The following HOXA3 variants were observed in gnomAD, a reference collection of about 807,000 sequenced individuals.
HOXA3 encodes the protein homeobox protein Hox-A3.
HOXA3 carries 8 observed loss-of-function variants against 30.3 expected under a neutral mutation model. The observed-to-expected ratio is 0.26, with a 90% CI of 0.15 to 0.48. The LOEUF is 0.48. Ranked by LOEUF, HOXA3 falls within the 20% of genes least tolerant of loss-of-function variation. HOXA3 has a pLI of 0.99. For synonymous variants in HOXA3, 323 were observed against 273.1 expected, an observed-to-expected ratio of 1.18 and a Z score of -1.80; for missense variants, 653 against 614.4, an observed-to-expected ratio of 1.06 and a Z score of -0.66.
rs1388695532 is a variant in HOXA3, at chr7:27,108,905, T to C, written c.527-185A>G. Among the ~76,000 whole-genome samples the C allele has an allele frequency of 2.6e-5, 4 of 152,042 alleles. No homozygotes were observed. The highest frequency in any genetic ancestry group is 9.7e-5 in the African/African-American group (4 of 41,402). ...GGTAAAACAGTGATACTCCCTCATT[T>C]AGCCAAGGAGCAAATCACAGCCTTC... On this transcript the variant is annotated intron_variant, in intron 5 of 5. Coordinates refer to ENST00000612286, the MANE Select transcript of HOXA3 (RefSeq NM_153631.3). This position sits in a 1 kb window ranked among gnomAD's most constrained non-coding sequence, Gnocchi z 5.0.
chr7:27,147,705 G>A (rs1240583792), intron 1 of HOXA3: 12 of 1,612,730 alleles, frequency 7.4e-6, no homozygotes, highest in Non-Finnish European at 1.0e-5. Flanking sequence ...CCTGGCCGCT[G>A]GGAAGGCTCC....
intron 1 of HOXA3, chr7:27,141,795 G>A: frequency 6.2e-7 from 1 of 1,602,540 alleles, no homozygotes; most frequent in Non-Finnish European, 8.5e-7. Flanking sequence ...CACTACGCGG[G>A]ATCCGCTAAT....
chr7:27,147,819 T>C, intron 1 of HOXA3: 4 of 1,368,146 alleles, frequency 2.9e-6, no homozygotes, highest in Non-Finnish European at 4.0e-6. Flanking sequence ...TTAGTAGTCA[T>C]CGAACTGGTT....
At chr7:27,138,525 T>C (rs1785782771) in intron 2 of HOXA3, among the ~76,000 whole-genome samples, 1 of 152,206 alleles carries the variant, frequency 6.6e-6, no homozygotes, top group Non-Finnish European at 1.5e-5. Flanking sequence ...CTGAATGCAG[T>C]AGGAGAATTT....
chr7:27,134,630 G>A (rs926993103), intron 2 of HOXA3, among the ~76,000 whole-genome samples: 1 of 152,204 alleles, frequency 6.6e-6, no homozygotes, highest in Non-Finnish European at 1.5e-5. Context: ...GTTCACTGCT[G>A]CAACAGCAAT....
At chr7:27,112,404 A>C (rs981681531) in intron 4 of HOXA3, among the ~76,000 whole-genome samples, 1 of 152,198 alleles carries the variant, frequency 6.6e-6, no homozygotes, top group Non-Finnish European at 1.5e-5. Flanking sequence ...GGACTCCTTT[A>C]GATTTCATTA....
chr7:27,109,985 G>T, intron 5 of HOXA3, 130 bp downstream of exon 5: 2 of 1,138,120 alleles, frequency 1.8e-6, no homozygotes, highest in Non-Finnish European at 1.3e-6. Flanking sequence ...CCTTTTTGGT[G>T]GGCAGTGGTG....
intron 5 of HOXA3, among the ~76,000 whole-genome samples, chr7:27,109,639 C>A (rs1429891967): frequency 6.6e-6 from 1 of 152,234 alleles, no homozygotes; most frequent in African/African-American, 2.4e-5. Flanking sequence ...AGAGGTAAGG[C>A]AGCCACTCCA....
intron 3 of HOXA3, 53 bp downstream of exon 3, chr7:27,126,833 A>G (rs568639452): frequency 4.6e-5 from 7 of 152,354 alleles, no homozygotes; most frequent in Non-Finnish European, 7.3e-5. Context: ...CATGAAGCTA[A>G]TGAATATTCC....
At chr7:27,117,295 G>A (rs989546339) in intron 4 of HOXA3, among the ~76,000 whole-genome samples, 1 of 152,154 alleles carries the variant, frequency 6.6e-6, no homozygotes, top group Non-Finnish European at 1.5e-5. Context: ...GCCAGTTCTG[G>A]AACTCTCCAA....
intron 4 of HOXA3, among the ~76,000 whole-genome samples, 158 bp from the exon 5 acceptor site, chr7:27,110,918 C>G (rs771846056): frequency 1.3e-5 from 2 of 152,246 alleles, no homozygotes; most frequent in African/African-American, 4.8e-5. Context: ...TAAAAAACCG[C>G]TGGAATTTAC....
At chr7:27,129,560 A>G in intron 2 of HOXA3, 1 of 1,612,784 alleles carries the variant, frequency 6.2e-7, no homozygotes, top group Non-Finnish European at 8.5e-7. Flanking sequence ...CCTCCGTTAT[A>G]ACTGGGGTTA....
chr7:27,133,170 C>T (rs764168020), intron 2 of HOXA3, among the ~76,000 whole-genome samples: 7 of 152,092 alleles, frequency 4.6e-5, no homozygotes, highest in South Asian at 2.1e-4. Context: ...ATCTCAACAC[C>T]GACATTTTGA....
chr7:27,143,246 G>A, intron 1 of HOXA3: 2 of 1,609,300 alleles, frequency 1.2e-6, no homozygotes, highest in Non-Finnish European at 8.5e-7. Context: ...GTTGCTTAGG[G>A]AGTTTTTCCC....
chr7:27,146,595 A>G (rs1327406900), intron 1 of HOXA3, among the ~76,000 whole-genome samples: 9 of 152,134 alleles, frequency 5.9e-5, no homozygotes, highest in Admixed American at 5.2e-4. Context: ...AGGCTAAGAG[A>G]TGGAGCTATA....
At chr7:27,145,608 G>T (rs1782729533) in intron 1 of HOXA3, 2 of 1,578,490 alleles carry the variant, frequency 1.3e-6, no homozygotes, top group African/African-American at 2.7e-5. Context: ...GAGGGCAAGG[G>T]GGCAAAGCCG....
chr7:27,135,441 G>T (rs1562725125), intron 2 of HOXA3, among the ~76,000 whole-genome samples: 1 of 152,162 alleles, frequency 6.6e-6, no homozygotes, highest in Non-Finnish European at 1.5e-5. Context: ...GGCAGTGGTG[G>T]TGGAAGGGGT....
chr7:27,147,633 C>G (rs922795801), intron 1 of HOXA3: 1 of 1,614,172 alleles, frequency 6.2e-7, no homozygotes, highest in Non-Finnish European at 8.5e-7. Flanking sequence ...CGTACGAGGC[C>G]GGGAAGGGCC....
In HOXA3 at chr7:27,129,609, G is replaced by A. The variant is rs766350473; in HGVS notation, c.-389-2539C>T. On this transcript the variant is annotated intron_variant, in intron 2 of 5. Transcript: ENST00000612286. ...AACCCCGAAATAGAAGGCCAAGGAG[G>A]AGGGAGCGGAAGAGAGGGAAAGGAG... 1.4e-5 allele frequency: 22 copies of A among 1,604,646 alleles called. No homozygotes were observed. The Admixed American group carries it at 2.0e-4, about 15-fold the overall frequency.
Sources: gnomAD v4.1 joint callset for allele counts (sites outside exome capture counted in the v4.1 genomes callset) on GRCh38, gnomAD v4.1.1 for gene constraint, Gnocchi (gnomAD v3.1) non-coding constraint, MANE v1.5 for transcripts, NCBI Gene and HGNC (gene_info 2026-07-23, HGNC 2026-07-21) for gene names.